DOCK10: variants seen among roughly 807,000 people sequenced by gnomAD.
DOCK10 encodes the protein dedicator of cytokinesis 10.
A neutral mutation model predicts 280.1 loss-of-function variants in DOCK10; 145 were observed. That is an observed-to-expected ratio of 0.52 (90% CI 0.45 to 0.59). The LOEUF (loss-of-function observed/expected upper bound fraction) is 0.59, where lower values mean the gene tolerates loss of function less well. Among genes scored for constraint, DOCK10 ranks in the 20% least tolerant of loss-of-function variants. The probability of loss-of-function intolerance (pLI) is 0.00; values close to 1 mark genes in which losing one functional copy is unlikely to be tolerated. For synonymous variants in DOCK10, 915 were observed against 942.2 expected (o/e 0.97, Z 0.53); for missense variants, 2,368 against 2,651.7 (o/e 0.89, Z 2.35).
At chr2:224,910,156 G>A (rs538964599) in intron 3 of DOCK10, among the ~76,000 whole-genome samples, 622 of 152,286 alleles carry the variant, frequency 4.1e-3, no homozygotes, top group Non-Finnish European at 6.6e-3. Flanking sequence ...GCACAGGGTG[G>A]ACCAATAACG....
intron 47 of DOCK10, 121 bp downstream of exon 47, chr2:224,792,853 G>T: frequency 2.9e-6 from 2 of 697,472 alleles, no homozygotes; most frequent in Non-Finnish European, 2.4e-6. Flanking sequence ...AGAGTAAGTT[G>T]GGTAGATCTG....
At chr2:224,806,273 A>C in intron 33 of DOCK10, 36 bp from the exon 34 acceptor site, 1 of 1,261,876 alleles carries the variant, frequency 7.9e-7, no homozygotes, top group Non-Finnish European at 1.1e-6. Flanking sequence ...AATGGGAATC[A>C]TGGCATTTCA....
Position 224,918,256 on chromosome 2 carries a change from T to C in DOCK10, c.244-1472A>G, listed in dbSNP as rs1701446690. 3.3e-5 allele frequency among the ~76,000 whole-genome samples: 5 copies of C among 152,234 alleles called. No homozygotes were observed. The South Asian group carries it at 1.0e-3, about 32-fold the overall frequency. On this transcript the variant is annotated intron_variant, in intron 2 of 55. Transcript: ENST00000258390. ...AGTTGGATACCTAAATGATTCTTTG[T>C]TGAATTTATTGACTGTGTGTACATG...
chr2:224,993,747 GC>G (rs1267219565), intron 1 of DOCK10, among the ~76,000 whole-genome samples: 9 of 152,160 alleles, frequency 5.9e-5, no homozygotes, highest in Admixed American at 5.9e-4. Flanking sequence ...ATGTGGCCAA[GC>G]TGACAGAGGG....
At chr2:225,030,146 T>TA (rs75138059) in intron 1 of DOCK10, among the ~76,000 whole-genome samples, 1,438 of 119,236 alleles carry the variant, frequency 0.012, 17 homozygotes, top group African/African-American at 0.034. Context: ...ACTCTGTCTT[T>TA]AAAAAAAAAA....
rs769151809 is a variant in DOCK10 at position 224,886,075 on chromosome 2, G to A, written c.600C>T (p.Thr200=). The A allele has an allele frequency of 3.6e-5, 58 of 1,613,634 alleles. 1 individual carries two copies. Among genetic ancestry groups the A allele is most frequent in the Middle Eastern group, 3.3e-4 (2 of 6,070 alleles). The change falls in exon 6 of 56, where the codon ACC becomes ACT. Residue 200 remains threonine, a synonymous_variant. Coordinates refer to ENST00000258390, the MANE Select transcript of DOCK10 (RefSeq NM_014689.3). ...GATATCTCCTTACCCGAACAGTAAC[G>A]GTGTTGTTCACGGTGCTGTTAAAAT... ...KGNFNSTVNN[T]VTVRSFKKRY...
chr2:225,026,125 G>A (rs1292965341), intron 1 of DOCK10, among the ~76,000 whole-genome samples: 1 of 152,078 alleles, frequency 6.6e-6, no homozygotes. Flanking sequence ...GGTGGCACGG[G>A]CCTGAGTGGC....
At chr2:225,002,932 T>C (rs1345767074) in intron 1 of DOCK10, among the ~76,000 whole-genome samples, 1 of 152,242 alleles carries the variant, frequency 6.6e-6, no homozygotes. Flanking sequence ...CACATCAGTG[T>C]GGTCTGTCTT....
At chr2:224,961,402 T>TTCTCTCTTTC (rs1293801914) in intron 1 of DOCK10, among the ~76,000 whole-genome samples, 1 of 121,358 alleles carries the variant, frequency 8.2e-6, no homozygotes, top group Non-Finnish European at 1.8e-5. Context: ...AGCATTTTCT[T>TTCTCTCTTTC]TCTTTCTTTC....
intron 4 of DOCK10, among the ~76,000 whole-genome samples, chr2:224,894,446 T>A (rs1699870365): frequency 6.6e-6 from 1 of 152,222 alleles, no homozygotes; most frequent in African/African-American, 2.4e-5. Flanking sequence ...CTCCATCCTC[T>A]CAACTTGAGA....
chr2:224,834,323 C>T, intron 25 of DOCK10, 60 bp from the exon 26 acceptor site: 1 of 991,378 alleles, frequency 1.0e-6, no homozygotes, highest in Non-Finnish European at 1.6e-6. Context: ...GCTTCAAAAA[C>T]TATGTCATGT....
intron 33 of DOCK10, among the ~76,000 whole-genome samples, chr2:224,806,643 T>TA (rs1693413785): frequency 6.6e-6 from 1 of 152,182 alleles, no homozygotes; most frequent in South Asian, 2.1e-4. Flanking sequence ...GTCTTACTGT[T>TA]ACCCAGACTA....
intron 2 of DOCK10, among the ~76,000 whole-genome samples, chr2:224,923,113 T>A (rs1701860857): frequency 6.6e-6 from 1 of 152,234 alleles, no homozygotes; most frequent in Admixed American, 6.5e-5. Flanking sequence ...ATGAGAATAT[T>A]ACTTTAGTAC....
intron 3 of DOCK10, among the ~76,000 whole-genome samples, chr2:224,912,960 G>C (rs369331180): frequency 1.2e-3 from 190 of 152,148 alleles, no homozygotes; most frequent in African/African-American, 4.4e-3. Flanking sequence ...CAGGAGGTGG[G>C]GGTTGCAGTG....
chr2:224,814,040 G>C lies in DOCK10; in HGVS notation c.3409+280C>G, dbSNP rs551552186. Among the ~76,000 whole-genome samples, 23 of 152,158 alleles carry C rather than the reference G, an allele frequency of 1.5e-4. 1 individual carries two copies. The East Asian group carries it at 3.9e-3, about 26-fold the overall frequency. On this transcript the variant is annotated intron_variant, in intron 31 of 55. Transcript: ENST00000258390. The stretch of plus-strand genomic sequence containing the variant: ...AACAAGCATGTTATTATATATATCT[G>C]GGAATTTCATTTATGATACAAATTA...
At chr2:224,931,755 A>G (rs1575077040) in intron 1 of DOCK10, 87 bp from the exon 2 acceptor site, 5 of 1,431,922 alleles carry the variant, frequency 3.5e-6, no homozygotes, top group Non-Finnish European at 4.7e-6. Flanking sequence ...CTTAGTTATC[A>G]TTGAGGCTTT....
At chr2:224,793,518 T>C in intron 45 of DOCK10, 61 bp from the exon 46 acceptor site, 3 of 1,349,300 alleles carry the variant, frequency 2.2e-6, no homozygotes, top group Non-Finnish European at 3.2e-6. Context: ...TTAGGGCTAA[T>C]CTTCCAAGGC....
Position 224,855,045 on chromosome 2 carries a change from G to C in DOCK10, c.1809-3C>G. 1 of 1,589,572 alleles carries C rather than the reference G, an allele frequency of 6.3e-7. No homozygotes were observed. ...GCATTTTGCTTATTCTGTCGGCCCT[G>C]TAAGAGTGCATGAGCAAGGACACAC... On this transcript the variant is annotated splice_polypyrimidine_tract_variant and splice_region_variant and intron_variant, in intron 15 of 55. Coordinates refer to ENST00000258390, the MANE Select transcript of DOCK10 (RefSeq NM_014689.3).
At chr2:224,778,548 T>C in intron 50 of DOCK10, 1 of 465,928 alleles carries the variant, frequency 2.1e-6, no homozygotes. Flanking sequence ...TTTTCTCTAT[T>C]TGTAGAACTC....
Sources: gnomAD v4.1 joint callset for allele counts (sites outside exome capture counted in the v4.1 genomes callset) on GRCh38, gnomAD v4.1.1 for gene constraint, MANE v1.5 for transcripts, NCBI Gene and HGNC (gene_info 2026-07-23, HGNC 2026-07-21) for gene names.